Variants in DMD observed in about 807,000 individuals in gnomAD.
DMD encodes mutant dystrophin.
Under a neutral mutation model 330.1 loss-of-function variants are expected in DMD, and 63 were observed. That is an observed-to-expected ratio of 0.19 (90% CI 0.16 to 0.24). The LOEUF (loss-of-function observed/expected upper bound fraction) is 0.24. Ranked by LOEUF, DMD falls within the 10% of genes least tolerant of loss-of-function variation. The pLI is 1.00. For synonymous variants in DMD, 1,223 were observed against 959.8 expected, an observed-to-expected ratio of 1.27 and a Z score of -5.07; for missense variants, 3,344 against 2,684.1, an observed-to-expected ratio of 1.25 and a Z score of -5.43.
At chrX:32,261,002 T>C (rs1021980174) in intron 43 of DMD, among the ~76,000 whole-genome samples, 2 of 110,854 alleles carry the variant, frequency 1.8e-5, no homozygotes, top group Non-Finnish European at 3.8e-5. Flanking sequence ...GGTTAGAAAA[T>C]CAAATGCCTT....
chrX:31,137,380 C>T (rs2035385552), intron 76 of DMD, among the ~76,000 whole-genome samples: 1 of 111,538 alleles, frequency 9.0e-6, no homozygotes, highest in Admixed American at 9.5e-5. Context: ...AGTGAATCAA[C>T]TCATTGAAAA....
intron 2 of DMD, among the ~76,000 whole-genome samples, chrX:32,910,347 G>T (rs1197322571): frequency 1.8e-5 from 2 of 111,719 alleles, no homozygotes; most frequent in African/African-American, 6.5e-5. Context: ...ATGATTTAGG[G>T]TTAGAATTAT....
At chrX:32,521,957 G>C (rs769593415) in intron 17 of DMD, among the ~76,000 whole-genome samples, 1 of 110,919 alleles carries the variant, frequency 9.0e-6, no homozygotes, top group Non-Finnish European at 1.9e-5. Context: ...TCCACCGTGT[G>C]AGGGCACAGT....
chrX:32,398,059 A>G (rs1395621785), intron 30 of DMD, among the ~76,000 whole-genome samples: 2 of 111,237 alleles, frequency 1.8e-5, no homozygotes, highest in African/African-American at 6.5e-5. Flanking sequence ...AAATGGCCAC[A>G]TATCACACGT....
At chrX:31,239,628 C>T (rs185803973) in intron 63 of DMD, among the ~76,000 whole-genome samples, 7 of 111,634 alleles carry the variant, frequency 6.3e-5, no homozygotes, top group South Asian at 3.8e-4. Context: ...GCTCCCAATT[C>T]GAACAGAGGG....
rs142264999 is a variant in DMD, at chrX:33,186,233, G to T, written c.31+25049C>A. Among the ~76,000 whole-genome samples the T allele has an allele frequency of 2.8e-3, 314 of 111,691 alleles. 3 individuals are homozygous for T. The highest frequency in any genetic ancestry group is 9.6e-3 in the African/African-American group (297 of 30,795). ...TCTGAGCTACTGCTTTTGTAAATCT[G>T]GCCTAGGCTACATGTAGGCTCTCCT... On this transcript the variant is annotated intron_variant, in intron 1 of 78. Transcript: ENST00000357033.
At chrX:31,426,158 C>T (rs761198173) in intron 60 of DMD, among the ~76,000 whole-genome samples, 4 of 96,865 alleles carry the variant, frequency 4.1e-5, no homozygotes, top group African/African-American at 1.5e-4. Flanking sequence ...CTATTATTAA[C>T]GATAGGGTTT....
At chrX:31,982,079 ACT>A (rs2095479536) in intron 44 of DMD, among the ~76,000 whole-genome samples, 1 of 111,660 alleles carries the variant, frequency 9.0e-6, no homozygotes, top group South Asian at 3.7e-4. Context: ...TTGTATGACA[ACT>A]CGTTCTTACA....
intron 19 of DMD, among the ~76,000 whole-genome samples, chrX:32,493,239 C>A (rs143970400): frequency 7.2e-5 from 8 of 111,658 alleles, no homozygotes; most frequent in Non-Finnish European, 1.5e-4. Context: ...TTAATGCTGC[C>A]AAACCATGTC....
chrX:31,220,622 C>T (rs1408409838), intron 64 of DMD, among the ~76,000 whole-genome samples: 2 of 111,410 alleles, frequency 1.8e-5, no homozygotes, highest in East Asian at 5.6e-4. Context: ...TTTCCTGGAG[C>T]TATCCAATCC....
At chrX:33,025,166 G>A (rs935477137) in intron 1 of DMD, among the ~76,000 whole-genome samples, 22 of 112,217 alleles carry the variant, frequency 2.0e-4, no homozygotes, top group African/African-American at 7.1e-4. Context: ...AAGATATTTT[G>A]GAGAAGGTAA....
intron 1 of DMD, among the ~76,000 whole-genome samples, chrX:33,318,355 G>A (rs746027828): frequency 4.5e-5 from 5 of 110,255 alleles, no homozygotes; most frequent in Non-Finnish European, 9.5e-5. Flanking sequence ...ATACATGTTC[G>A]ATTAGATGAT....
At chrX:32,209,452 A>G (rs1021968019) in intron 44 of DMD, among the ~76,000 whole-genome samples, 1 of 111,725 alleles carries the variant, frequency 9.0e-6, no homozygotes, top group Admixed American at 9.6e-5. Flanking sequence ...TCTAGGGAAC[A>G]GTAAGAAGGG....
chrX:32,006,428 A>T (rs2095661667), intron 44 of DMD, among the ~76,000 whole-genome samples: 1 of 111,966 alleles, frequency 8.9e-6, no homozygotes, highest in African/African-American at 3.2e-5. Context: ...CCAAGTCTAA[A>T]AATAATAATA....
chrX:32,870,976 AAAAAAAAAAAAAC>A (rs1423550658), intron 2 of DMD, among the ~76,000 whole-genome samples: 1 of 79,746 alleles, frequency 1.3e-5, no homozygotes, highest in African/African-American at 4.6e-5. Context: ...AAAAAAAAAA[AAAAAAAAAAAAAC>A]CACAAAACCC....
chrX:32,542,212 C>T (rs1179202035), intron 17 of DMD, among the ~76,000 whole-genome samples: 2 of 111,264 alleles, frequency 1.8e-5, no homozygotes, highest in African/African-American at 6.5e-5. Flanking sequence ...GGGTGGATCA[C>T]GAGGTCAGGA....
At chrX:31,741,808 A>G (rs2087363821) in intron 51 of DMD, among the ~76,000 whole-genome samples, 1 of 111,524 alleles carries the variant, frequency 9.0e-6, no homozygotes, top group African/African-American at 3.3e-5. Flanking sequence ...TTTTGAAGCC[A>G]GGCATTGACT....
intron 23 of DMD, among the ~76,000 whole-genome samples, chrX:32,466,862 A>G (rs969946003): frequency 2.7e-5 from 3 of 111,826 alleles, no homozygotes; most frequent in Non-Finnish European, 5.6e-5. Context: ...ATTTTAGCCC[A>G]CTGAGACTAA....
At chrX:31,356,654 C>T (rs753070106) in intron 60 of DMD, among the ~76,000 whole-genome samples, 1 of 112,104 alleles carries the variant, frequency 8.9e-6, no homozygotes, top group South Asian at 3.7e-4. Context: ...TTCACCTCAC[C>T]GATTTCTAAA....
Sources: gnomAD v4.1 joint callset for allele counts (sites outside exome capture counted in the v4.1 genomes callset) on GRCh38, gnomAD v4.1.1 for gene constraint, MANE v1.5 for transcripts, NCBI Gene and HGNC (gene_info 2026-07-23, HGNC 2026-07-21) for gene names.